Variants in SEC24A observed in about 807,000 individuals in gnomAD.
The protein encoded by SEC24A is protein transport protein Sec24A.
A neutral mutation model predicts 129.4 loss-of-function variants in SEC24A; 93 were observed. The ratio of observed to expected loss-of-function variants is 0.72; its 90% CI spans 0.61 to 0.85. The LOEUF is 0.85. Among genes scored for constraint, SEC24A ranks in the 40% least tolerant of loss-of-function variants. SEC24A has a pLI of 0.00. For missense variants in SEC24A, 1,264 were observed against 1,307.4 expected (o/e 0.97, Z 0.51); for synonymous variants, 460 against 467.3 (o/e 0.98, Z 0.20).
chr5:134,658,920 A>T (rs998734078), intron 1 of SEC24A, among the ~76,000 whole-genome samples: 2 of 152,084 alleles, frequency 1.3e-5, no homozygotes, highest in Admixed American at 6.6e-5. Flanking sequence ...ATGACAATTG[A>T]GTTCTTTTGG....
At chr5:134,711,821 C>T (rs1752334934) in intron 18 of SEC24A, among the ~76,000 whole-genome samples, 1 of 151,920 alleles carries the variant, frequency 6.6e-6, no homozygotes, top group Non-Finnish European at 1.5e-5. Flanking sequence ...AATCTTGGCT[C>T]ACTGCAAGCT....
At chr5:134,708,960 CT>C in intron 18 of SEC24A, 72 bp downstream of exon 18, 1 of 1,440,470 alleles carries the variant, frequency 6.9e-7, no homozygotes, top group African/African-American at 1.4e-5. Flanking sequence ...AATCCCAGCA[CT>C]TTGGGTGGCT....
intron 10 of SEC24A, 31 bp from the exon 11 acceptor site, chr5:134,688,150 T>C (rs1361606580): frequency 8.1e-7 from 1 of 1,241,160 alleles, no homozygotes; most frequent in Non-Finnish European, 1.2e-6. Flanking sequence ...GGTTAAAACT[T>C]GATAAAATAC....
At position 134,671,893 on chromosome 5, in the gene SEC24A, T is replaced by C; in HGVS notation, c.817+7T>C. The C allele has an allele frequency of 1.3e-6, 2 of 1,586,822 alleles. No homozygotes were observed. The highest frequency in any genetic ancestry group is 1.7e-6 in the Non-Finnish European group (2 of 1,162,108). On this transcript the variant is annotated splice_region_variant and intron_variant, in intron 4 of 22. Transcript: ENST00000398844. ...GAAGGAGGTGGCTTATTGGGTGAGA[T>C]GCTATGAAAGTTTTTTTTTTAATCT...
At chr5:134,650,537 C>CTTT (rs891812570) in intron 1 of SEC24A, among the ~76,000 whole-genome samples, 1 of 141,230 alleles carries the variant, frequency 7.1e-6, no homozygotes, top group African/African-American at 2.6e-5. Flanking sequence ...TGTTCCACAT[C>CTTT]TTTTTTTTTT....
intron 3 of SEC24A, among the ~76,000 whole-genome samples, chr5:134,667,662 A>C (rs1011490085): frequency 4.0e-5 from 6 of 151,032 alleles, no homozygotes; most frequent in South Asian, 4.2e-4. Context: ...TCAAAAAAAA[A>C]AAAAAACAAA....
chr5:134,660,993 C>T (rs1476177283), intron 1 of SEC24A, 126 bp from the exon 2 acceptor site: 3 of 729,504 alleles, frequency 4.1e-6, no homozygotes, highest in African/African-American at 1.8e-5. Flanking sequence ...TATTTAAGTC[C>T]TTTGCTTATT....
At chr5:134,675,960 G>A (rs1751044432) in intron 6 of SEC24A, 63 bp from the exon 7 acceptor site, 2 of 1,147,806 alleles carry the variant, frequency 1.7e-6, no homozygotes, top group Non-Finnish European at 2.5e-6. Flanking sequence ...TTAAATCTTT[G>A]TTGTTGTTTT....
rs923826898 is a variant in SEC24A, at chr5:134,727,300, C to G, written c.*2206C>G. ...CCTTGAATTTTCTACAGATCTACAA[C>G]TACTAATGTAACAGACAAGGGCAAT... is the stretch of plus-strand genomic sequence containing the variant. On this transcript the variant is annotated 3_prime_UTR_variant, in exon 23 of 23. Coordinates refer to ENST00000398844, the MANE Select transcript of SEC24A (RefSeq NM_021982.3). 1 of 152,494 alleles carries G rather than the reference C, an allele frequency of 6.6e-6. No homozygotes were observed. Among genetic ancestry groups the G allele is most frequent in the African/African-American group, 2.4e-5 (1 of 41,410 alleles). The allele number at this position is 152,494 out of a possible 1,614,324, so 9.4% of individuals were successfully genotyped here.
intron 16 of SEC24A, among the ~76,000 whole-genome samples, chr5:134,704,178 T>C (rs1000227641): frequency 1.2e-4 from 19 of 152,240 alleles, no homozygotes; most frequent in African/African-American, 4.1e-4. Context: ...CAAGTGATTC[T>C]CCTGCCTCAG....
chr5:134,705,486 C>T (rs755065341), intron 17 of SEC24A, 49 bp downstream of exon 17: 8 of 1,184,950 alleles, frequency 6.8e-6, no homozygotes, highest in Non-Finnish European at 9.9e-6. Context: ...TAACATTAGG[C>T]ACATCCAAAC....
intron 19 of SEC24A, among the ~76,000 whole-genome samples, chr5:134,716,558 G>A (rs1481647481): frequency 6.6e-6 from 1 of 151,704 alleles, no homozygotes; most frequent in Admixed American, 6.6e-5. Context: ...AGCACTGTGG[G>A]AGGCCAAGGC....
intron 4 of SEC24A, among the ~76,000 whole-genome samples, chr5:134,674,038 C>G (rs549237283): frequency 6.6e-6 from 1 of 152,154 alleles, no homozygotes; most frequent in East Asian, 1.9e-4. Flanking sequence ...GAGGCTGAAG[C>G]AGGAAAATCG....
At chr5:134,704,060 A>G in intron 16 of SEC24A, 128 bp downstream of exon 16, 3 of 359,784 alleles carry the variant, frequency 8.3e-6, no homozygotes, top group Non-Finnish European at 1.5e-5. Flanking sequence ...GTTTTTATTT[A>G]TTTATTTATT....
At chr5:134,687,081 G>A (rs1751480046) in intron 10 of SEC24A, among the ~76,000 whole-genome samples, 179 bp downstream of exon 10, 1 of 152,094 alleles carries the variant, frequency 6.6e-6, no homozygotes, top group Non-Finnish European at 1.5e-5. Context: ...TAGTTGGTAG[G>A]AAGAATAATG....
In SEC24A at chr5:134,664,201, C is replaced by T. The variant is rs535767460; in HGVS notation, c.565+2615C>T. Among the ~76,000 whole-genome samples, 5 of 152,002 alleles carry T rather than the reference C, an allele frequency of 3.3e-5. No individual in the cohort carries two copies. The South Asian group carries it at 1.0e-3, about 32-fold the overall frequency. ...CCTAAAAAGTAACCTTCTTTTTTCT[C>T]ATTTGAACCTTCAAAGAACCTTCAA... On this transcript the variant is annotated intron_variant, in intron 2 of 22. Transcript: ENST00000398844.
intron 21 of SEC24A, among the ~76,000 whole-genome samples, 154 bp from the exon 22 acceptor site, chr5:134,723,413 A>T (rs1453958883): frequency 6.6e-6 from 1 of 152,184 alleles, no homozygotes; most frequent in Non-Finnish European, 1.5e-5. Context: ...GCAGTGAGCC[A>T]TGATTATGCC....
Position 134,675,184 on chromosome 5 carries a change from A to C in SEC24A, c.1118A>C (p.His373Pro). The part of the protein sequence containing the change: ...TPLKPPVPNL[H>P]EDIQKLNCNP... ...TTGAAGCCTCCAGTTCCAAATTTGC[A>C]TGAAGACATCCAGAAACTCAACTGT... Residue 373 changes from histidine (H) to proline (P), a missense_variant, in exon 6 of 23, where the codon CAT becomes CCT. His to Pro is a moderately conservative substitution (Grantham distance 77, BLOSUM62 -2). Coordinates refer to ENST00000398844, the MANE Select transcript of SEC24A (RefSeq NM_021982.3). 3 of 1,613,074 alleles carry C rather than the reference A, an allele frequency of 1.9e-6. No individual in the cohort carries two copies. Among genetic ancestry groups the C allele is most frequent in the South Asian group, 2.2e-5 (2 of 90,946 alleles).
In SEC24A at chr5:134,715,175, C is replaced by CT. The variant is rs751548850; in HGVS notation, c.2865+20dup. 3.7e-6 allele frequency: 6 copies of CT among 1,603,764 alleles called. No individual in the cohort carries two copies. The highest frequency in any genetic ancestry group is 1.7e-4 in the Middle Eastern group (1 of 6,040). On this transcript the variant is annotated intron_variant, in intron 19 of 22. Transcript: ENST00000398844. The stretch of plus-strand genomic sequence containing the variant: ...CTCTCAGATGAGGTAAGATGGATTG[C>CT]TTTTTTGTGGTTTTACTTGAAGATT...
Sources: gnomAD v4.1 joint callset for allele counts (sites outside exome capture counted in the v4.1 genomes callset) on GRCh38, gnomAD v4.1.1 for gene constraint, MANE v1.5 for transcripts, NCBI Gene and HGNC (gene_info 2026-07-23, HGNC 2026-07-21) for gene names.